The following ERMARD variants were observed in gnomAD, a reference collection of about 807,000 sequenced individuals.
The protein encoded by ERMARD is ER membrane associated RNA degradation, also known as endoplasmic reticulum membrane-associated RNA degradation protein.
A neutral mutation model predicts 83.9 loss-of-function variants in ERMARD; 71 were observed. The ratio of observed to expected loss-of-function variants is 0.85; its 90% CI spans 0.70 to 1.03. The LOEUF (loss-of-function observed/expected upper bound fraction) is 1.03. Ranked by LOEUF, ERMARD falls within the 50% of genes least tolerant of loss-of-function variation. ERMARD has a pLI of 0.00. For missense variants in ERMARD, 838 were observed against 810.9 expected (o/e 1.03, Z -0.41); for synonymous variants, 284 against 298.6 (o/e 0.95, Z 0.50).
chr6:169,752,008 C>G (rs763451191), intron 1 of ERMARD: 49 of 362,816 alleles, frequency 1.4e-4, no homozygotes, highest in South Asian at 7.3e-4. Flanking sequence ...GACCGTGGCT[C>G]GTTCCTAGAA....
At chr6:169,760,287 A>G (rs1791377087) in intron 7 of ERMARD, among the ~76,000 whole-genome samples, 1 of 151,802 alleles carries the variant, frequency 6.6e-6, no homozygotes, top group South Asian at 2.1e-4. Context: ...TCCTCCTTTT[A>G]CCTCTTGTGT....
chr6:169,772,510 A>G (rs7741535), intron 12 of ERMARD, among the ~76,000 whole-genome samples: 43,180 of 152,046 alleles, frequency 0.28, 6,795 homozygotes, highest in African/African-American at 0.42. Flanking sequence ...TCACGCCTGT[A>G]ATCCCAGCAC....
At chr6:169,751,459 C>T (rs374869481), upstream of ERMARD, 46 of 1,613,714 alleles carry the variant, frequency 2.9e-5, no homozygotes, top group Non-Finnish European at 3.6e-5. Context: ...GCTTCTCCAT[C>T]TCGCTCTGTT....
In ERMARD at chr6:169,776,446, T is replaced by C; in HGVS notation, c.1521-9T>C. 1.2e-6 allele frequency: 2 copies of C among 1,612,148 alleles called. No homozygotes were observed. Among genetic ancestry groups the C allele is most frequent in the Non-Finnish European group, 1.7e-6 (2 of 1,179,210 alleles). On this transcript the variant is annotated splice_polypyrimidine_tract_variant and intron_variant, in intron 15 of 17. Coordinates refer to ENST00000366773, the MANE Select transcript of ERMARD (RefSeq NM_018341.3). ...ATGATGCCTGCTCCAAGTCTGGCTC[T>C]GTTTGCAGGTGGCCCCAGCTTCTCC...
chr6:169,758,947 A>T (rs751030773), intron 5 of ERMARD, 21 bp from the exon 6 acceptor site: 1 of 1,590,770 alleles, frequency 6.3e-7, no homozygotes, highest in Non-Finnish European at 8.6e-7. Context: ...ATAATTAACT[A>T]TGTAATGATT....
chr6:169,763,959 C>CA (rs1289665064), intron 9 of ERMARD, among the ~76,000 whole-genome samples: 1 of 152,254 alleles, frequency 6.6e-6, no homozygotes. Context: ...CTCAGCACCT[C>CA]ACATTTATCT....
At chr6:169,757,065 A>G (rs902061681) in intron 5 of ERMARD, among the ~76,000 whole-genome samples, 2 of 152,188 alleles carry the variant, frequency 1.3e-5, no homozygotes, top group Admixed American at 6.5e-5. Context: ...TATCATGAGA[A>G]TAGCACGGGA....
chr6:169,751,557 T>G, upstream of ERMARD: 1 of 1,609,870 alleles, frequency 6.2e-7, no homozygotes, highest in Non-Finnish European at 8.5e-7. Context: ...CACCTGCGCC[T>G]CGTACGGTAG....
At chr6:169,767,847 C>T in intron 10 of ERMARD, 1 of 511,248 alleles carries the variant, frequency 2.0e-6, no homozygotes, top group Middle Eastern at 5.5e-4. Flanking sequence ...TACACATATA[C>T]ACACCACACA....
rs761643481 is a variant in ERMARD at position 169,764,232 on chromosome 6, TC to T, written c.960+1703del. Among the ~76,000 whole-genome samples the T allele has an allele frequency of 4.5e-4, 68 of 151,702 alleles. 1 individual carries two copies. The highest frequency in any genetic ancestry group is 4.4e-5 in the Non-Finnish European group (3 of 67,944). Reference sequence around the variant, plus strand: ...TCCTTCTCAAATTTCATTCTCACAGTCCTGCTGATTCTTTTTTTTAGTTAGT... The same window carrying T: ...TCCTTCTCAAATTTCATTCTCACAGTCTGCTGATTCTTTTTTTTAGTTAGT... On this transcript the variant is annotated intron_variant, in intron 9 of 17. Coordinates refer to ENST00000366773, the MANE Select transcript of ERMARD (RefSeq NM_018341.3).
chr6:169,776,988 C>T (rs1399442923), intron 16 of ERMARD, among the ~76,000 whole-genome samples: 3 of 152,090 alleles, frequency 2.0e-5, no homozygotes, highest in South Asian at 2.1e-4. Context: ...GACATCAGTC[C>T]GCAGGTGTAA....
chr6:169,770,182 A>G (rs940325975), intron 12 of ERMARD, among the ~76,000 whole-genome samples: 26 of 152,198 alleles, frequency 1.7e-4, no homozygotes, highest in African/African-American at 5.8e-4. Flanking sequence ...AATTGTTTAA[A>G]TGTTCAAACA....
intron 13 of ERMARD, among the ~76,000 whole-genome samples, chr6:169,774,950 GT>G (rs1358244093): frequency 2.3e-4 from 35 of 152,340 alleles, no homozygotes; most frequent in African/African-American, 8.4e-4. Flanking sequence ...CACCTGCTGT[GT>G]TCTGTTGGTT....
intron 9 of ERMARD, among the ~76,000 whole-genome samples, chr6:169,765,347 TTAA>T (rs1216365851): frequency 6.6e-6 from 1 of 152,264 alleles, no homozygotes; most frequent in East Asian, 1.9e-4. Context: ...TTTATAAAAC[TTAA>T]TAAGACACTG....
At chr6:169,766,754 C>A in intron 10 of ERMARD, 87 bp downstream of exon 10, 2 of 1,367,654 alleles carry the variant, frequency 1.5e-6, no homozygotes, top group Non-Finnish European at 2.0e-6. Flanking sequence ...AATTAAAGAT[C>A]AGCCATAAAT....
At chr6:169,756,837 T>A (rs749421766) in intron 5 of ERMARD, 29 bp downstream of exon 5, 11 of 1,589,914 alleles carry the variant, frequency 6.9e-6, no homozygotes, top group Non-Finnish European at 8.6e-6. Context: ...ACTCATGGAG[T>A]ATATTAGTCC....
intron 13 of ERMARD, among the ~76,000 whole-genome samples, chr6:169,774,632 C>T (rs937250628): frequency 2.6e-5 from 4 of 152,228 alleles, no homozygotes; most frequent in African/African-American, 9.6e-5. Context: ...TCCGTTATTC[C>T]TGCTGTTGAT....
intron 12 of ERMARD, among the ~76,000 whole-genome samples, chr6:169,772,531 C>G (rs916768484): frequency 6.6e-6 from 1 of 151,880 alleles, no homozygotes; most frequent in Admixed American, 6.6e-5. Flanking sequence ...TTTGGGAGGC[C>G]GAGGCAGATG....
chr6:169,778,349 T>G (rs1301374794), intron 16 of ERMARD, among the ~76,000 whole-genome samples: 2 of 152,252 alleles, frequency 1.3e-5, no homozygotes, highest in African/African-American at 4.8e-5. Flanking sequence ...GTGGGTTCTA[T>G]CTATCTAAAT....
Sources: gnomAD v4.1 joint callset for allele counts (sites outside exome capture counted in the v4.1 genomes callset) on GRCh38, gnomAD v4.1.1 for gene constraint, MANE v1.5 for transcripts, NCBI Gene and HGNC (gene_info 2026-07-23, HGNC 2026-07-21) for gene names.